The following RAPGEFL1 variants were observed in gnomAD, a reference collection of about 807,000 sequenced individuals.
RAPGEFL1 encodes Rap guanine nucleotide exchange factor like 1, also known as rap guanine nucleotide exchange factor-like 1.
Under a neutral mutation model 64.4 loss-of-function variants are expected in RAPGEFL1, and 31 were observed. The ratio of observed to expected loss-of-function variants is 0.48; its 90% confidence interval spans 0.36 to 0.65. The LOEUF (loss-of-function observed/expected upper bound fraction) is 0.65. Among genes scored for constraint, RAPGEFL1 ranks in the 30% least tolerant of loss-of-function variants. The pLI is 0.00. For missense variants in RAPGEFL1, 682 were observed against 677.4 expected, an observed-to-expected ratio of 1.01 and a Z score of -0.08; for synonymous variants, 331 against 274.1, an observed-to-expected ratio of 1.21 and a Z score of -2.05.
chr17:40,186,500 G>A (rs1414097526), intron 4 of RAPGEFL1, among the ~76,000 whole-genome samples: 6 of 147,188 alleles, frequency 4.1e-5, no homozygotes, highest in South Asian at 2.2e-4. Flanking sequence ...CCCGGGAAGC[G>A]GAGTTTGCAG....
chr17:40,179,018 C>T (rs752063818), intron 1 of RAPGEFL1, among the ~76,000 whole-genome samples: 2 of 150,970 alleles, frequency 1.3e-5, no homozygotes, highest in Non-Finnish European at 1.5e-5. Flanking sequence ...TCCAGGGTGT[C>T]CAAGCGCCTC....
intron 4 of RAPGEFL1, chr17:40,188,422 A>G (rs1990151520): frequency 5.0e-6 from 1 of 198,122 alleles, no homozygotes; most frequent in Admixed American, 5.5e-5. Flanking sequence ...TAGACTGTGA[A>G]GTTCTTTTCA....
chr17:40,188,659 C>T (rs778273679), intron 4 of RAPGEFL1: 15 of 578,876 alleles, frequency 2.6e-5, no homozygotes, highest in Non-Finnish European at 4.3e-5. Flanking sequence ...GAGAAGAATT[C>T]ATGGAAGAGG....
intron 8 of RAPGEFL1, 196 bp downstream of exon 8, chr17:40,190,958 C>A: frequency 1.3e-6 from 1 of 742,716 alleles, no homozygotes; most frequent in South Asian, 1.9e-5. Context: ...TGGCTCAGGG[C>A]CCAAGTGCTG....
chr17:40,192,077 C>T, intron 10 of RAPGEFL1, 136 bp from the exon 11 acceptor site: 1 of 778,338 alleles, frequency 1.3e-6, no homozygotes, highest in South Asian at 1.6e-5. Context: ...CTTCATTTCC[C>T]CACCCACCAG....
chr17:40,190,912 G>GA (rs377128108), intron 8 of RAPGEFL1, 150 bp downstream of exon 8: 12 of 1,274,556 alleles, frequency 9.4e-6, no homozygotes, highest in South Asian at 1.5e-5. Context: ...TCCCCCATCT[G>GA]AAAAAAATCG....
chr17:40,177,047 C>T (rs1407841063), upstream of RAPGEFL1: 2 of 701,648 alleles, frequency 2.9e-6, no homozygotes, highest in Non-Finnish European at 5.2e-6. Flanking sequence ...GGCACCGCCT[C>T]CAGTGGCAAT....
rs1047097456 is a variant in RAPGEFL1, at chr17:40,190,628, G to C, written c.1213-12G>C. 1 of 1,613,822 alleles carries C rather than the reference G, an allele frequency of 6.2e-7. No individual in the cohort carries two copies. Among genetic ancestry groups the C allele is most frequent in the African/African-American group, 1.3e-5 (1 of 74,908 alleles). On this transcript the variant is annotated splice_polypyrimidine_tract_variant and intron_variant, in intron 7 of 14. Coordinates refer to ENST00000620260, the MANE Select transcript of RAPGEFL1 (RefSeq NM_016339.6). ...CCAGGAGCCCAGCCCCTATGCCCCTGCCTGCCACCAGGTGCCCCTCCCCGA... is the reference window on the plus strand; with the variant it reads ...CCAGGAGCCCAGCCCCTATGCCCCTCCCTGCCACCAGGTGCCCCTCCCCGA...
chr17:40,192,878 C>A, intron 12 of RAPGEFL1, 48 bp from the exon 13 acceptor site: 1 of 1,535,456 alleles, frequency 6.5e-7, no homozygotes, highest in Non-Finnish European at 9.0e-7. Flanking sequence ...CCCTTTCGAA[C>A]TCCTCTCTTA....
chr17:40,185,920 C>T (rs1182834445), intron 4 of RAPGEFL1, among the ~76,000 whole-genome samples: 2 of 150,474 alleles, frequency 1.3e-5, no homozygotes, highest in Non-Finnish European at 1.5e-5. Context: ...GCTGAAATCA[C>T]CTTACTGCAC....
intron 1 of RAPGEFL1, among the ~76,000 whole-genome samples, chr17:40,178,907 C>T (rs1359777368): frequency 2.0e-5 from 3 of 152,176 alleles, no homozygotes; most frequent in Admixed American, 6.5e-5. Context: ...GATGCGTTGT[C>T]CTTAGCAGTT....
chr17:40,177,210 C>T (rs1207008648), upstream of RAPGEFL1: 22 of 702,520 alleles, frequency 3.1e-5, no homozygotes, highest in East Asian at 5.9e-4. Context: ...GGTGTCCAGG[C>T]CACAGACCTG....
In RAPGEFL1 at chr17:40,194,232, CGTGTGTGTGTGTGTGTGTGTGTGT is replaced by C. The variant is rs56205991; in HGVS notation, c.*479_*502del. 2.6e-4 allele frequency: 33 copies of C among 125,080 alleles called. No homozygotes were observed. The highest frequency in any genetic ancestry group is 7.8e-4 in the Admixed American group (9 of 11,588). The allele number at this position is 125,080 out of a possible 1,614,324, so 7.7% of individuals were successfully genotyped here. A position where few individuals can be genotyped will look rare whatever the true frequency, so the allele number is the denominator to read the frequency against. ...GGGACCCCCAGGAATATTATGTTGC[CGTGTGTGTGTGTGTGTGTGTGTGT>C]GTGTGTGTGTGTGTGTGTGTGTGTG... On this transcript the variant is annotated 3_prime_UTR_variant, in exon 15 of 15. Coordinates refer to ENST00000620260, the MANE Select transcript of RAPGEFL1 (RefSeq NM_016339.6).
At chr17:40,192,365 T>G (rs1990305783) in intron 11 of RAPGEFL1, 102 bp downstream of exon 11, 2 of 1,304,794 alleles carry the variant, frequency 1.5e-6, no homozygotes, top group Non-Finnish European at 2.2e-6. Context: ...AGGTGTTTAG[T>G]GTATGGGACC....
Position 40,191,729 on chromosome 17 carries a change from G to A in RAPGEFL1, c.1605+57G>A. ...ATCTGGGCATCCCGGGCTCCCCGAAGTGCGTCCTCCCGGGACGGCCGCCGG... is the reference window on the plus strand; with the variant it reads ...ATCTGGGCATCCCGGGCTCCCCGAAATGCGTCCTCCCGGGACGGCCGCCGG... On this transcript the variant is annotated intron_variant, in intron 10 of 14. Coordinates refer to ENST00000620260, the MANE Select transcript of RAPGEFL1 (RefSeq NM_016339.6). This position sits in a 1 kb window ranked among gnomAD's most constrained non-coding sequence, Gnocchi z 5.1. The A allele has an allele frequency of 6.5e-7, 1 of 1,537,290 alleles. No homozygotes were observed. Among genetic ancestry groups the A allele is most frequent in the Admixed American group, 1.9e-5 (1 of 52,802 alleles).
chr17:40,188,936 TC>T lies in RAPGEFL1; in HGVS notation c.906del (p.Cys303ValfsTer26). 6.2e-7 allele frequency: 1 copy of T among 1,614,156 alleles called. No individual in the cohort carries two copies. The highest frequency in any genetic ancestry group is 2.2e-5 in the East Asian group (1 of 44,880). ...PLFRHFRRID[S>X]CLQTRVAFRG... ...CTTCCGCCACTTCCGCCGGATAGAC[TC>T]CTGTCTGCAGACCCGGGTGGCCTTC... On this transcript the variant is annotated frameshift_variant, in exon 5 of 15. Transcript: ENST00000620260. LOFTEE classifies it high-confidence loss of function.
intron 5 of RAPGEFL1, 51 bp downstream of exon 5, chr17:40,189,029 C>T: frequency 6.4e-7 from 1 of 1,551,136 alleles, no homozygotes; most frequent in Non-Finnish European, 8.9e-7. Flanking sequence ...CTCAGGGGGA[C>T]ATATCTCTGG....
At chr17:40,182,076 C>G (rs1033686503) in intron 2 of RAPGEFL1, among the ~76,000 whole-genome samples, 4 of 150,126 alleles carry the variant, frequency 2.7e-5, no homozygotes, top group African/African-American at 1.0e-4. Flanking sequence ...GAGTGAGACT[C>G]CATCTCAAAA....
intron 6 of RAPGEFL1, among the ~76,000 whole-genome samples, chr17:40,190,141 C>T (rs1990210047): frequency 6.6e-6 from 1 of 152,142 alleles, no homozygotes; most frequent in Non-Finnish European, 1.5e-5. Context: ...GTCACTGAAG[C>T]TTTGTTTTCC....
Sources: allele counts gnomAD v4.1 joint callset (sites outside exome capture counted in the v4.1 genomes callset), GRCh38; gene constraint gnomAD v4.1.1; non-coding constraint Gnocchi (gnomAD v3.1); transcripts MANE v1.5; gene names NCBI Gene and HGNC (gene_info 2026-07-23, HGNC 2026-07-21).